Variants in PCDH15 observed in about 807,000 individuals in gnomAD.
PCDH15 encodes protocadherin related 15.
A neutral mutation model predicts 178.5 loss-of-function variants in PCDH15; 129 were observed. The ratio of observed to expected loss-of-function variants is 0.72; its 90% CI spans 0.63 to 0.84. The LOEUF (loss-of-function observed/expected upper bound fraction) is 0.84. PCDH15 is among the 40% of genes least tolerant of loss of function. The pLI is 0.00. For missense variants in PCDH15, 2,230 were observed against 2,099.9 expected (o/e 1.06, Z -1.21); for synonymous variants, 800 against 732.0 (o/e 1.09, Z -1.50).
chr10:54,834,918 C>T (rs1953288997), intron 3 of PCDH15, among the ~76,000 whole-genome samples: 1 of 152,138 alleles, frequency 6.6e-6, no homozygotes, highest in African/African-American at 2.4e-5. Flanking sequence ...ATACAGCACC[C>T]ATTGTATTTT....
At chr10:54,894,853 C>T (rs1389095069) in intron 3 of PCDH15, among the ~76,000 whole-genome samples, 1 of 152,076 alleles carries the variant, frequency 6.6e-6, no homozygotes, top group Non-Finnish European at 1.5e-5. Flanking sequence ...CTCTGGAAGC[C>T]TGCCTTACCA....
At chr10:55,279,204 T>C (rs538163570) in intron 1 of PCDH15, among the ~76,000 whole-genome samples, 3 of 152,262 alleles carry the variant, frequency 2.0e-5, no homozygotes, top group Non-Finnish European at 4.4e-5. Flanking sequence ...ACTTATACTC[T>C]GAAAATAATG....
At chr10:54,317,506 G>A (rs987600330) in intron 7 of PCDH15, 65 bp from the exon 8 acceptor site, 4 of 1,572,724 alleles carry the variant, frequency 2.5e-6, no homozygotes, top group Non-Finnish European at 3.5e-6. Context: ...CAGGAGCAGT[G>A]GCCCATACCT....
chr10:53,955,472 A>G (rs1255224574), intron 23 of PCDH15, among the ~76,000 whole-genome samples: 2 of 152,218 alleles, frequency 1.3e-5, no homozygotes, highest in Non-Finnish European at 2.9e-5. Context: ...CGATAAATAA[A>G]TACTTTATCT....
chr10:54,761,673 A>T (rs1051265846), intron 1 of PCDH15, among the ~76,000 whole-genome samples: 2 of 151,600 alleles, frequency 1.3e-5, no homozygotes, highest in African/African-American at 4.9e-5. Context: ...ACATAGCGAG[A>T]CTCTGTCTCA....
At chr10:53,966,798 T>C (rs565150408) in intron 21 of PCDH15, among the ~76,000 whole-genome samples, 1 of 151,782 alleles carries the variant, frequency 6.6e-6, no homozygotes, top group South Asian at 2.1e-4. Flanking sequence ...TCACCCTTAT[T>C]AGTTATGTTT....
intron 21 of PCDH15, among the ~76,000 whole-genome samples, chr10:53,992,577 C>A (rs1001594033): frequency 6.6e-6 from 1 of 152,144 alleles, no homozygotes; most frequent in African/African-American, 2.4e-5. Flanking sequence ...TATTCTGTCA[C>A]AATTTAACCC....
At chr10:55,338,067 AT>A (rs1201949199) in intron 2 of PCDH15, among the ~76,000 whole-genome samples, 1 of 152,196 alleles carries the variant, frequency 6.6e-6, no homozygotes, top group Non-Finnish European at 1.5e-5. Context: ...CTCAACATTA[AT>A]AATCATTAGA....
intron 1 of PCDH15, among the ~76,000 whole-genome samples, chr10:54,754,393 A>T (rs1035461005): frequency 1.3e-5 from 2 of 152,192 alleles, no homozygotes; most frequent in African/African-American, 4.8e-5. Context: ...TACATAAAAA[A>T]TATCTAATAT....
chr10:54,507,029 A>G (rs2081231581), intron 3 of PCDH15, among the ~76,000 whole-genome samples: 1 of 151,926 alleles, frequency 6.6e-6, no homozygotes, highest in Non-Finnish European at 1.5e-5. Flanking sequence ...ATAACAACAC[A>G]ATTCTAATTT....
intron 2 of PCDH15, among the ~76,000 whole-genome samples, chr10:55,337,961 T>C (rs1004837811): frequency 1.3e-5 from 2 of 151,858 alleles, no homozygotes; most frequent in East Asian, 1.9e-4. Context: ...AGCAATTCAA[T>C]AGGAAAAAAA....
intron 2 of PCDH15, among the ~76,000 whole-genome samples, chr10:55,537,669 C>T (rs1841611289): frequency 6.6e-6 from 1 of 152,090 alleles, no homozygotes; most frequent in Non-Finnish European, 1.5e-5. Context: ...CTCCTGACCT[C>T]ATGATCCACC....
intron 2 of PCDH15, among the ~76,000 whole-genome samples, chr10:54,603,144 C>A (rs191764102): frequency 1.3e-5 from 2 of 151,946 alleles, no homozygotes; most frequent in South Asian, 4.1e-4. Context: ...TGTATTACTT[C>A]GCATTTATCT....
chr10:55,041,028 C>T (rs1172527740), intron 2 of PCDH15, among the ~76,000 whole-genome samples: 1 of 151,992 alleles, frequency 6.6e-6, no homozygotes. Context: ...AATATTTTCT[C>T]ATACTATTAA....
At chr10:55,094,923 C>T (rs1842411386) in intron 2 of PCDH15, among the ~76,000 whole-genome samples, 1 of 139,816 alleles carries the variant, frequency 7.2e-6, no homozygotes, top group South Asian at 2.3e-4. Flanking sequence ...ACTCTATATC[C>T]AAATTCTTTT....
chr10:54,215,915 C>T (rs1430204098), intron 9 of PCDH15, among the ~76,000 whole-genome samples: 5 of 151,618 alleles, frequency 3.3e-5, no homozygotes, highest in African/African-American at 4.8e-5. Context: ...TGGTGGCGGG[C>T]GCCTGTAGTC....
chr10:54,963,401 A>T (rs927628166), intron 2 of PCDH15, among the ~76,000 whole-genome samples: 3 of 152,120 alleles, frequency 2.0e-5, no homozygotes, highest in Non-Finnish European at 4.4e-5. Context: ...CATTCTCACT[A>T]AAATATCTGT....
chr10:54,764,950 A>G (rs1948330551), intron 1 of PCDH15, among the ~76,000 whole-genome samples: 1 of 152,184 alleles, frequency 6.6e-6, no homozygotes, highest in Non-Finnish European at 1.5e-5. Flanking sequence ...GGCATATTAT[A>G]AAAATATTTC....
chr10:54,926,190 A>G (rs563262657), intron 2 of PCDH15, among the ~76,000 whole-genome samples: 1 of 152,256 alleles, frequency 6.6e-6, no homozygotes, highest in East Asian at 1.9e-4. Flanking sequence ...GCATTTCTGC[A>G]TCTATTGAGA....
Sources: allele counts gnomAD v4.1 joint callset (sites outside exome capture counted in the v4.1 genomes callset), GRCh38; gene constraint gnomAD v4.1.1; transcripts MANE v1.5; gene names NCBI Gene and HGNC (gene_info 2026-07-23, HGNC 2026-07-21).